Variants in BBS2 observed in about 807,000 individuals in gnomAD.
BBS2 encodes the protein Bardet-Biedl syndrome 2, also known as BBSome complex member BBS2.
A neutral mutation model predicts 83.0 loss-of-function variants in BBS2; 62 were observed. That is an observed-to-expected ratio of 0.75 (90% CI 0.61 to 0.92). The LOEUF (loss-of-function observed/expected upper bound fraction) is 0.92, where lower values mean the gene tolerates loss of function less well. BBS2 is among the 40% of genes least tolerant of loss of function. The pLI is 0.00. For missense variants in BBS2, 784 were observed against 901.0 expected, an observed-to-expected ratio of 0.87 and a Z score of 1.66; for synonymous variants, 303 against 326.1, an observed-to-expected ratio of 0.93 and a Z score of 0.76.
Position 56,484,488 on chromosome 16 carries a change from A to G in BBS2, c.*273T>C, listed in dbSNP as rs1963721558. ...AATATGTATTTATATACCATAAATA[A>G]GCAAAATTGGACTCTGAAGCCCTAA... On this transcript the variant is annotated 3_prime_UTR_variant, in exon 17 of 17. Coordinates refer to ENST00000245157, the MANE Select transcript of BBS2 (RefSeq NM_031885.5). 1 of 315,004 alleles carries G rather than the reference A, an allele frequency of 3.2e-6. No individual in the cohort carries two copies. The highest frequency in any genetic ancestry group is 4.4e-5 in the Admixed American group (1 of 22,836). 19.5% of individuals were successfully genotyped at this position (315,004 alleles called of 1,614,324 possible). A position where few individuals can be genotyped will look rare whatever the true frequency, so the allele number is the denominator to read the frequency against.
intron 15 of BBS2, among the ~76,000 whole-genome samples, chr16:56,490,890 T>G (rs896734473): frequency 6.6e-6 from 1 of 151,332 alleles, no homozygotes; most frequent in Non-Finnish European, 1.5e-5. Context: ...GCCTCCCGAA[T>G]AGCTGGGACT....
intron 1 of BBS2, among the ~76,000 whole-genome samples, chr16:56,518,626 T>C (rs1475456447): frequency 1.3e-5 from 2 of 152,260 alleles, no homozygotes; most frequent in Non-Finnish European, 2.9e-5. Context: ...GTTGGCCTTG[T>C]GACAACGACG....
At chr16:56,519,525 C>G (rs1418974949) in intron 1 of BBS2, 2 of 560,666 alleles carry the variant, frequency 3.6e-6, no homozygotes, top group Non-Finnish European at 6.4e-6. Context: ...TCGCCTGACT[C>G]CAAGTGCCTG....
At chr16:56,489,904 G>A (rs1366062707) in intron 15 of BBS2, among the ~76,000 whole-genome samples, 7 of 151,882 alleles carry the variant, frequency 4.6e-5, no homozygotes, top group South Asian at 4.2e-4. Flanking sequence ...CAGGCAGATC[G>A]CTTGAGCCCA....
intron 1 of BBS2, among the ~76,000 whole-genome samples, chr16:56,518,492 G>A (rs951833082): frequency 5.9e-5 from 9 of 152,144 alleles, no homozygotes; most frequent in Non-Finnish European, 8.8e-5. Context: ...CACTTTACAT[G>A]TATTAACTTT....
Position 56,501,002 on chromosome 16 carries a change from T to C in BBS2, c.1249A>G (p.Ile417Val). The C allele has an allele frequency of 6.2e-7, 1 of 1,614,066 alleles. No homozygotes were observed. Among genetic ancestry groups the C allele is most frequent in the Non-Finnish European group, 8.5e-7 (1 of 1,180,020 alleles). Residue 417 changes from isoleucine (I) to valine (V), a missense_variant, in exon 11 of 17, where the codon ATT becomes GTT. Transcript: ENST00000245157. ...CCTGTAAAAATTCCTTCTGCAAAAA[T>C]CAATACTGCTCGGATGATGGTGTCT... ...SNDTIIRAVL[I>V]FAEGIFTGES...
intron 1 of BBS2, 34 bp downstream of exon 1, chr16:56,519,712 G>A (rs376396020): frequency 2.6e-5 from 41 of 1,552,118 alleles, no homozygotes; most frequent in Non-Finnish European, 3.6e-5. Flanking sequence ...GTGGTTCCCT[G>A]GGGCCCGGGC....
At chr16:56,470,704 G>C (rs1963127523) in intron 17 of BBS2, 2 of 1,614,130 alleles carry the variant, frequency 1.2e-6, no homozygotes, top group Non-Finnish European at 1.7e-6. Flanking sequence ...TCCTGAGCCA[G>C]AGAATAATCA....
At position 56,514,618 on chromosome 16, in the gene BBS2, G is replaced by A; in HGVS notation, c.180C>T (p.Ser60=). ...GAAGAGAAACATCAGATTCCAGGGG[G>A]CTCTGGAAGACCCTGGATGCACTGA... ...QHVSASRVFQ[S]PLESDVSLLS... is the part of the protein sequence containing the mutation. The change falls in exon 2 of 17, where the codon AGC becomes AGT. Residue 60 remains serine, a synonymous_variant. Transcript: ENST00000245157. 3 of 1,614,012 alleles carry A rather than the reference G, an allele frequency of 1.9e-6. No individual in the cohort carries two copies. Among genetic ancestry groups the A allele is most frequent in the South Asian group, 1.1e-5 (1 of 91,070 alleles).
chr16:56,505,751 G>A (rs1210799143), intron 7 of BBS2, among the ~76,000 whole-genome samples, 199 bp downstream of exon 7: 1 of 152,160 alleles, frequency 6.6e-6, no homozygotes, highest in South Asian at 2.1e-4. Context: ...CCGCTTATAA[G>A]ACTTACACTC....
intron 1 of BBS2, among the ~76,000 whole-genome samples, chr16:56,516,722 C>T (rs1253866149): frequency 6.6e-6 from 1 of 152,108 alleles, no homozygotes; most frequent in East Asian, 1.9e-4. Flanking sequence ...AATATCCTTG[C>T]TAAGGCTCAG....
At chr16:56,485,781 T>C in intron 15 of BBS2, 43 bp from the exon 16 acceptor site, 2 of 1,603,944 alleles carry the variant, frequency 1.2e-6, no homozygotes, top group Non-Finnish European at 1.7e-6. Flanking sequence ...CATGTTGATA[T>C]GGCAAGCTTA....
intron 9 of BBS2, 35 bp from the exon 10 acceptor site, chr16:56,501,532 C>T (rs1172130131): frequency 6.2e-7 from 1 of 1,613,782 alleles, no homozygotes; most frequent in East Asian, 2.2e-5. Context: ...TACTCAGTCA[C>T]CAAAACACTG....
intron 17 of BBS2, among the ~76,000 whole-genome samples, chr16:56,474,242 G>A (rs1348716055): frequency 9.3e-5 from 14 of 149,966 alleles, no homozygotes; most frequent in African/African-American, 2.5e-4. Context: ...TATTCATGTC[G>A]TATTTTTTAT....
chr16:56,502,716 C>T lies in BBS2; in HGVS notation c.897G>A (p.Met299Ile), dbSNP rs759147772. Residue 299 changes from methionine to isoleucine, a missense_variant, in exon 8 of 17, where the codon ATG becomes ATA. By Grantham distance (10) the Met-to-Ile change is conservative. Coordinates refer to ENST00000245157, the MANE Select transcript of BBS2 (RefSeq NM_031885.5). Reference sequence around the variant, plus strand: ...AGCAGATTAACTGTATGTGGCCATCCATCCGGTAATCTCCCTCTACCACAC... The same window carrying T: ...AGCAGATTAACTGTATGTGGCCATCTATCCGGTAATCTCCCTCTACCACAC... ...IAGVVEGDYR[M>I]DGHIQLICCS... The T allele has an allele frequency of 6.2e-7, 1 of 1,614,168 alleles. No homozygotes were observed. Among genetic ancestry groups the T allele is most frequent in the Admixed American group, 1.7e-5 (1 of 60,010 alleles).
At chr16:56,479,634 T>C (rs1240058402), downstream of BBS2, among the ~76,000 whole-genome samples, 3 of 152,222 alleles carry the variant, frequency 2.0e-5, no homozygotes, top group African/African-American at 7.2e-5. Flanking sequence ...CTGAACTACA[T>C]TTCCCAGAAC....
intron 12 of BBS2, 40 bp from the exon 13 acceptor site, chr16:56,498,608 G>A (rs376872954): frequency 1.2e-6 from 2 of 1,611,810 alleles, no homozygotes; most frequent in African/African-American, 1.3e-5. Context: ...CATTTTTAAG[G>A]TACAGACGTT....
At chr16:56,499,165 G>C (rs555510766) in intron 12 of BBS2, 22 of 177,088 alleles carry the variant, frequency 1.2e-4, no homozygotes, top group Admixed American at 3.9e-4. Context: ...GGTTCCACAG[G>C]CCAGGCAGGG....
chr16:56,497,026 A>G lies in BBS2; in HGVS notation c.1851T>C (p.His617=), dbSNP rs1259765246. The change falls in exon 15 of 17, where the codon CAT becomes CAC. Residue 617 remains histidine, a synonymous_variant. Transcript: ENST00000245157. ...HQKLSADMAD[H]SNLIRSLLVG... ...CCAGCAAACTTCGGATCAAATTAGA[A>G]TGATCAGCCATATCAGCACTGAGCT... The G allele has an allele frequency of 2.5e-6, 4 of 1,614,038 alleles. No individual in the cohort carries two copies. In the Admixed American group the frequency reaches 6.7e-5, roughly 27 times the overall value.
Sources: gnomAD v4.1 joint callset for allele counts (sites outside exome capture counted in the v4.1 genomes callset) on GRCh38, gnomAD v4.1.1 for gene constraint, MANE v1.5 for transcripts, NCBI Gene and HGNC (gene_info 2026-07-23, HGNC 2026-07-21) for gene names.